Variants in CREB5 observed in about 807,000 individuals in gnomAD.
CREB5 encodes cyclic AMP-responsive element-binding protein 5.
Under a neutral mutation model 57.1 loss-of-function variants are expected in CREB5, and 19 were observed. That is an observed-to-expected ratio of 0.33 (90% CI 0.23 to 0.49). The LOEUF is 0.49. CREB5 is among the 20% of genes least tolerant of loss of function. The pLI is 0.99. For missense variants in CREB5, 579 were observed against 671.6 expected, an observed-to-expected ratio of 0.86 and a Z score of 1.52; for synonymous variants, 238 against 238.3, an observed-to-expected ratio of 1.00 and a Z score of 0.01.
Position 28,793,045 on chromosome 7 carries a change from G to C in CREB5, c.703-11154G>C, listed in dbSNP as rs73308859. Among the ~76,000 whole-genome samples, 827 of 152,234 alleles carry C rather than the reference G, an allele frequency of 5.4e-3. 6 individuals are homozygous for C. The highest frequency in any genetic ancestry group is 0.019 in the African/African-American group (798 of 41,534). ...CTAATAGCAAGCCAAAGGAAGTAAG[G>C]CAGGTGCTTAAGAATCAGAGAGTAT... On this transcript the variant is annotated intron_variant, in intron 7 of 10. Transcript: ENST00000357727.
chr7:28,641,170 C>T (rs545989938), intron 5 of CREB5, among the ~76,000 whole-genome samples: 1 of 152,070 alleles, frequency 6.6e-6, no homozygotes, highest in South Asian at 2.1e-4. Context: ...TAGCTAATGC[C>T]CCAGAGAGGA....
At chr7:28,601,259 T>C (rs1796909753) in intron 5 of CREB5, among the ~76,000 whole-genome samples, 1 of 151,996 alleles carries the variant, frequency 6.6e-6, no homozygotes, top group Admixed American at 6.6e-5. Flanking sequence ...GGATTTGTTC[T>C]ACAGACATGG....
chr7:28,672,918 T>C (rs879190131), intron 5 of CREB5, among the ~76,000 whole-genome samples: 2 of 152,234 alleles, frequency 1.3e-5, no homozygotes, highest in Non-Finnish European at 2.9e-5. Context: ...TTCCTGTTCT[T>C]TTTCCATAAA....
intron 1 of CREB5, among the ~76,000 whole-genome samples, chr7:28,359,163 C>T (rs1227981456): frequency 6.7e-6 from 1 of 149,246 alleles, no homozygotes; most frequent in African/African-American, 2.5e-5. Flanking sequence ...AAAAAAATCC[C>T]AAACCCAAAA....
chr7:28,449,874 T>C (rs1789706537), intron 1 of CREB5, among the ~76,000 whole-genome samples: 1 of 152,180 alleles, frequency 6.6e-6, no homozygotes, highest in African/African-American at 2.4e-5. Context: ...TGTCAACCTT[T>C]CCTCTTTCTC....
At chr7:28,598,211 G>C (rs1439950464) in intron 5 of CREB5, among the ~76,000 whole-genome samples, 4 of 152,042 alleles carry the variant, frequency 2.6e-5, no homozygotes, top group African/African-American at 9.7e-5. Context: ...AGATCTGATG[G>C]GTTTGTCAGG....
At chr7:28,701,735 A>AT (rs1374591548) in intron 5 of CREB5, among the ~76,000 whole-genome samples, 2 of 152,282 alleles carry the variant, frequency 1.3e-5, no homozygotes, top group South Asian at 2.1e-4. Context: ...TTGGAGCATA[A>AT]TTTTTTTGTA....
At chr7:28,522,582 G>C (rs187571034) in intron 4 of CREB5, among the ~76,000 whole-genome samples, 204 of 152,094 alleles carry the variant, frequency 1.3e-3, no homozygotes, top group African/African-American at 4.7e-3. Context: ...ATTTTTAGTA[G>C]AGATGGGGTG....
chr7:28,570,342 TC>T, intron 4 of CREB5, 22 bp from the exon 5 acceptor site: 1 of 1,600,650 alleles, frequency 6.2e-7, no homozygotes, highest in African/African-American at 1.3e-5. Flanking sequence ...TCCTGACCTT[TC>T]CCCTGTGTCT....
chr7:28,772,709 C>A (rs572012520), intron 7 of CREB5, among the ~76,000 whole-genome samples: 3 of 152,158 alleles, frequency 2.0e-5, no homozygotes, highest in Non-Finnish European at 4.4e-5. Context: ...AGAACACTAG[C>A]ACTCATTTTT....
intron 5 of CREB5, among the ~76,000 whole-genome samples, chr7:28,662,083 CT>C (rs2128714055): frequency 6.6e-6 from 1 of 152,298 alleles, no homozygotes; most frequent in Admixed American, 6.5e-5. Flanking sequence ...GAAAAAAGGG[CT>C]GCTCTTCTAG....
chr7:28,323,801 A>G (rs554615747), intron 1 of CREB5, among the ~76,000 whole-genome samples: 1 of 152,324 alleles, frequency 6.6e-6, no homozygotes, highest in South Asian at 2.1e-4. Flanking sequence ...ATATAATGAA[A>G]TAACTATACA....
chr7:28,438,601 A>G (rs1789054818), intron 1 of CREB5, among the ~76,000 whole-genome samples: 1 of 152,342 alleles, frequency 6.6e-6, no homozygotes, highest in East Asian at 1.9e-4. Context: ...TGCAGCCAAC[A>G]GTAAAGAAAG....
chr7:28,719,629 TGAG>T, intron 6 of CREB5, among the ~76,000 whole-genome samples: 1 of 152,172 alleles, frequency 6.6e-6, no homozygotes. Flanking sequence ...ATTTTCCAGA[TGAG>T]GAGACTGAGG....
chr7:28,561,011 TGTGTGC>T (rs1355022833), intron 4 of CREB5, among the ~76,000 whole-genome samples: 1,705 of 47,948 alleles, frequency 0.036, 101 homozygotes, highest in African/African-American at 0.17. Context: ...TGTGCGTGTG[TGTGTGC>T]GTGTGTGCGT....
At chr7:28,585,652 G>A (rs59434663) in intron 5 of CREB5, among the ~76,000 whole-genome samples, 6,430 of 152,172 alleles carry the variant, frequency 0.042, 501 homozygotes, top group African/African-American at 0.15. Context: ...TAAAGGCAAC[G>A]TCCTTGAGTT....
intron 1 of CREB5, among the ~76,000 whole-genome samples, chr7:28,342,476 G>T (rs544074721): frequency 6.6e-6 from 1 of 152,292 alleles, no homozygotes; most frequent in Admixed American, 6.5e-5. Flanking sequence ...ATTTGTAAGT[G>T]ATCAGTACAT....
intron 7 of CREB5, among the ~76,000 whole-genome samples, chr7:28,770,261 T>C (rs912902424): frequency 6.6e-6 from 1 of 152,184 alleles, no homozygotes; most frequent in African/African-American, 2.4e-5. Context: ...TGTGGCCACT[T>C]GGAGGAACAA....
At chr7:28,606,040 A>AT (rs558830714) in intron 5 of CREB5, among the ~76,000 whole-genome samples, 6 of 152,304 alleles carry the variant, frequency 3.9e-5, no homozygotes, top group Middle Eastern at 6.8e-3. Flanking sequence ...AATAAAGTTG[A>AT]TTTTTTAAAA....
Sources: gnomAD v4.1 joint callset for allele counts (sites outside exome capture counted in the v4.1 genomes callset) on GRCh38, gnomAD v4.1.1 for gene constraint, MANE v1.5 for transcripts, NCBI Gene and HGNC (gene_info 2026-07-23, HGNC 2026-07-21) for gene names.